Variants in OSBPL9 observed in about 807,000 individuals in gnomAD.
OSBPL9 encodes oxysterol-binding protein-related protein 9.
Under a neutral mutation model 106.6 loss-of-function variants are expected in OSBPL9, and 40 were observed. That is an observed-to-expected ratio of 0.38 (90% CI 0.29 to 0.49). The LOEUF is 0.49. OSBPL9 is among the 20% of genes least tolerant of loss of function. The probability of loss-of-function intolerance (pLI) is 0.97; values close to 1 mark genes in which losing one functional copy is unlikely to be tolerated. For missense variants in OSBPL9, 609 were observed against 887.2 expected, an observed-to-expected ratio of 0.69 and a Z score of 3.98; for synonymous variants, 269 against 295.4, an observed-to-expected ratio of 0.91 and a Z score of 0.92.
chr1:51,520,325 C>A, the OSBPL9 span, among the ~76,000 whole-genome samples: 210 of 152,302 alleles, frequency 1.4e-3, no homozygotes, highest in Non-Finnish European at 2.6e-3. Flanking sequence ...AGTTGGAATA[C>A]CCAGTTACTT....
intron 17 of OSBPL9, among the ~76,000 whole-genome samples, chr1:51,783,041 G>A (rs1476832146): frequency 6.6e-6 from 1 of 152,026 alleles, no homozygotes; most frequent in Non-Finnish European, 1.5e-5. Flanking sequence ...ACATAAAATG[G>A]TGTCTTTTAT....
chr1:51,772,071 T>C lies in OSBPL9; in HGVS notation c.940T>C (p.Ser314Pro). 6.2e-7 allele frequency: 1 copy of C among 1,608,376 alleles called. No individual in the cohort carries two copies. Among genetic ancestry groups the C allele is most frequent in the Non-Finnish European group, 8.5e-7 (1 of 1,177,260 alleles). ...ATAAGGTAATTAATGTTTTTATAGT[T>C]CTTCTGGATCTGCCTCAGTCCTGAC... ...SGSSPKRLID[S>P]SGSASVLTHS... The change falls in exon 13 of 24, where the codon TCT becomes CCT. Residue 314 changes from serine to proline, a missense_variant and splice_region_variant. By Grantham distance (74) the Ser-to-Pro change is moderately conservative (BLOSUM62 -1). Transcript: ENST00000428468.
chr1:51,606,007 G>T (rs1287574793), intron 2 of OSBPL9, among the ~76,000 whole-genome samples: 1 of 141,370 alleles, frequency 7.1e-6, no homozygotes, highest in East Asian at 1.9e-4. Context: ...GAGAGAGAGA[G>T]AAAGAAAAAA....
Position 51,776,847 on chromosome 1 carries a change from G to A in OSBPL9, c.1185G>A (p.Thr395=), listed in dbSNP as rs758817883. The change falls in exon 15 of 24, where the codon ACG becomes ACA. Residue 395 remains threonine, a synonymous_variant. Coordinates refer to ENST00000428468, the MANE Select transcript of OSBPL9 (RefSeq NM_024586.6). ...ATGTTTTTCAGGTAGTTCTTCCAAC[G>A]TTTATTCTTGAAAGAAGATCTCTTT... ...GMDLTKVVLP[T]FILERRSLLE... 21 of 1,608,796 alleles carry A rather than the reference G, an allele frequency of 1.3e-5. No individual in the cohort carries two copies. The highest frequency in any genetic ancestry group is 1.7e-5 in the Non-Finnish European group (20 of 1,176,172).
At position 51,776,994 on chromosome 1, in the gene OSBPL9, T is replaced by C. The variant is rs556707298; in HGVS notation, c.1256+76T>C. 1.0e-4 allele frequency: 113 copies of C among 1,114,340 alleles called. No individual in the cohort carries two copies. In the African/African-American group the frequency reaches 1.6e-3, roughly 16 times the overall value. The allele number at this position is 1,114,340 out of a possible 1,614,324, so 69.0% of individuals were successfully genotyped here. A position where few individuals can be genotyped will look rare whatever the true frequency, so the allele number is the denominator to read the frequency against. ...GCTTTCTGCCTTTTATTTTGCAGGA[T>C]AGATGGATTCCTTGTCACCTTTCAA... On this transcript the variant is annotated intron_variant, in intron 15 of 23. Coordinates refer to ENST00000428468, the MANE Select transcript of OSBPL9 (RefSeq NM_024586.6).
intron 3 of OSBPL9, among the ~76,000 whole-genome samples, chr1:51,712,952 G>T (rs773343432): frequency 7.2e-5 from 11 of 152,136 alleles, no homozygotes; most frequent in Non-Finnish European, 1.2e-4. Context: ...CAGGCATCAA[G>T]ATTTTTCTGG....
the OSBPL9 span, among the ~76,000 whole-genome samples, chr1:51,556,728 G>A: frequency 6.6e-6 from 1 of 151,744 alleles, no homozygotes. Flanking sequence ...GGAGGTTGCA[G>A]TGAGCAGAGA....
chr1:51,700,340 A>G (rs969043835), intron 3 of OSBPL9, among the ~76,000 whole-genome samples: 1 of 152,208 alleles, frequency 6.6e-6, no homozygotes, highest in Non-Finnish European at 1.5e-5. Flanking sequence ...GTCCTGAGCC[A>G]GATCTCCCAC....
intron 8 of OSBPL9, among the ~76,000 whole-genome samples, chr1:51,751,043 A>G (rs760395023): frequency 1.3e-5 from 2 of 152,216 alleles, no homozygotes; most frequent in African/African-American, 2.4e-5. Context: ...TATTTAGCTT[A>G]TAAATTAAAT....
intron 1 of OSBPL9, among the ~76,000 whole-genome samples, chr1:51,596,317 T>C (rs1264668183): frequency 6.8e-6 from 1 of 146,310 alleles, no homozygotes; most frequent in Non-Finnish European, 1.5e-5. Flanking sequence ...ATCCCAGCAC[T>C]TTGGGAAGCT....
At chr1:51,787,565 C>G in intron 23 of OSBPL9, 77 bp downstream of exon 23, 1 of 1,605,764 alleles carries the variant, frequency 6.2e-7, no homozygotes. Context: ...AGTGATGTGC[C>G]AAACACTGTT....
intron 2 of OSBPL9, among the ~76,000 whole-genome samples, chr1:51,657,384 A>G (rs1646881658): frequency 6.6e-6 from 1 of 152,232 alleles, no homozygotes. Context: ...TTCCTATCAT[A>G]ACCCTGTCAG....
At chr1:51,768,938 C>G (rs1258257734) in intron 12 of OSBPL9, among the ~76,000 whole-genome samples, 1 of 152,206 alleles carries the variant, frequency 6.6e-6, no homozygotes, top group South Asian at 2.1e-4. Flanking sequence ...CTCAATTTCA[C>G]TCTTCCTTGT....
intron 4 of OSBPL9, among the ~76,000 whole-genome samples, chr1:51,725,620 T>C (rs1662976257): frequency 6.6e-6 from 1 of 152,204 alleles, no homozygotes; most frequent in African/African-American, 2.4e-5. Context: ...TTTTGTCAAC[T>C]TCACATGTGC....
chr1:51,632,494 T>C (rs1192753630), intron 1 of OSBPL9, among the ~76,000 whole-genome samples: 1 of 152,232 alleles, frequency 6.6e-6, no homozygotes, highest in Non-Finnish European at 1.5e-5. Flanking sequence ...GTGATTAGAA[T>C]GATGATAAAC....
chr1:51,678,731 AGT>A (rs1274428576), intron 3 of OSBPL9, among the ~76,000 whole-genome samples: 2 of 152,234 alleles, frequency 1.3e-5, no homozygotes, highest in African/African-American at 2.4e-5. Flanking sequence ...GGTGAAGGAA[AGT>A]GTTTAATTCA....
intron 1 of OSBPL9, among the ~76,000 whole-genome samples, chr1:51,621,976 C>G (rs1644465238): frequency 6.6e-6 from 1 of 151,154 alleles, no homozygotes; most frequent in South Asian, 2.1e-4. Flanking sequence ...GCTTGTCTCT[C>G]TATGATGTTA....
upstream of OSBPL9, among the ~76,000 whole-genome samples, chr1:51,574,267 C>T (rs1404835469): frequency 6.6e-6 from 1 of 152,190 alleles, no homozygotes; most frequent in Non-Finnish European, 1.5e-5. Flanking sequence ...TAATATCCTA[C>T]TTCACCCTCC....
chr1:51,766,913 CA>C (rs35475237), intron 12 of OSBPL9, among the ~76,000 whole-genome samples: 491 of 135,904 alleles, frequency 3.6e-3, no homozygotes, highest in Non-Finnish European at 3.3e-3. Flanking sequence ...CTAAAAATAC[CA>C]AAAAAAAAAA....
Sources: gnomAD v4.1 joint callset for allele counts (sites outside exome capture counted in the v4.1 genomes callset) on GRCh38, gnomAD v4.1.1 for gene constraint, MANE v1.5 for transcripts, NCBI Gene and HGNC (gene_info 2026-07-23, HGNC 2026-07-21) for gene names.